CCDC7: variants seen among roughly 807,000 people sequenced by gnomAD.
CCDC7 encodes the protein coiled-coil domain containing 7.
In CCDC7, 183 loss-of-function variants were observed where a neutral mutation model predicts 196.9. The observed-to-expected ratio is 0.93, with a 90% confidence interval of 0.82 to 1.05. The LOEUF is 1.05. Among genes scored for constraint, CCDC7 ranks in the 50% least tolerant of loss-of-function variants. The pLI is 0.00. For synonymous variants in CCDC7, 525 were observed against 484.6 expected (o/e 1.08, Z -1.10); for missense variants, 1,540 against 1,482.2 (o/e 1.04, Z -0.64).
intron 41 of CCDC7, among the ~76,000 whole-genome samples, chr10:32,870,216 C>A (rs921732215): frequency 5.9e-5 from 9 of 152,146 alleles, no homozygotes; most frequent in African/African-American, 1.7e-4. Context: ...TCTATTGATT[C>A]TTCCTACCCA....
At chr10:32,678,846 C>T (rs11818527) in intron 21 of CCDC7, among the ~76,000 whole-genome samples, 8,065 of 152,192 alleles carry the variant, frequency 0.053, 718 homozygotes, top group African/African-American at 0.18. Flanking sequence ...CTGTGTTCCA[C>T]TGCTGTGCTG....
chr10:32,645,817 G>T (rs2067670276), intron 20 of CCDC7, among the ~76,000 whole-genome samples: 1 of 151,838 alleles, frequency 6.6e-6, no homozygotes, highest in African/African-American at 2.4e-5. Context: ...TTTCCAATTT[G>T]TTGGCATATA....
chr10:32,807,683 C>T (rs2086126337), intron 30 of CCDC7, among the ~76,000 whole-genome samples: 1 of 151,880 alleles, frequency 6.6e-6, no homozygotes, highest in Non-Finnish European at 1.5e-5. Context: ...CCATAGATTC[C>T]TCCAATCCTA....
intron 28 of CCDC7, among the ~76,000 whole-genome samples, chr10:32,757,110 T>G (rs927659658): frequency 2.0e-5 from 3 of 152,084 alleles, no homozygotes; most frequent in African/African-American, 7.2e-5. Flanking sequence ...AGCAAGTCCT[T>G]AGAGACCTAC....
chr10:32,860,534 A>C (rs1023059434), intron 41 of CCDC7, among the ~76,000 whole-genome samples: 6 of 152,308 alleles, frequency 3.9e-5, no homozygotes, highest in African/African-American at 1.4e-4. Flanking sequence ...CACCACTCCT[A>C]TTCAACATAG....
chr10:32,587,307 GGGA>G (rs2059382187), intron 18 of CCDC7, among the ~76,000 whole-genome samples: 3 of 152,236 alleles, frequency 2.0e-5, no homozygotes, highest in Admixed American at 1.3e-4. Context: ...CTGAAGGCTG[GGGA>G]GTCCAAGGTC....
At chr10:32,799,543 A>G (rs2084345908) in intron 29 of CCDC7, among the ~76,000 whole-genome samples, 1 of 152,226 alleles carries the variant, frequency 6.6e-6, no homozygotes. Flanking sequence ...AAATAGGCCC[A>G]CTAGGTGTTG....
intron 11 of CCDC7, among the ~76,000 whole-genome samples, chr10:32,535,943 T>C (rs1465245661): frequency 6.6e-6 from 1 of 152,170 alleles, no homozygotes; most frequent in Non-Finnish European, 1.5e-5. Context: ...GGTTGGATAG[T>C]AAGCAATGTT....
At chr10:32,473,817 A>G in intron 7 of CCDC7, 150 bp from the exon 9 acceptor site, 1 of 610,488 alleles carries the variant, frequency 1.6e-6, no homozygotes, top group Non-Finnish European at 2.6e-6. Flanking sequence ...TTACCTGATT[A>G]GGAAGATCTG....
In CCDC7 at chr10:32,814,359, T is replaced by G. The variant is rs1186244648; in HGVS notation, c.3098-11T>G. The stretch of plus-strand genomic sequence containing the variant: ...ACCTTACAGTGTTTTGATACCTGTT[T>G]ATTTCTATAGGGCCTGATATAGAAC... On this transcript the variant is annotated splice_polypyrimidine_tract_variant and intron_variant, in intron 30 of 41. Transcript: ENST00000639629. The G allele has an allele frequency of 6.4e-7, 1 of 1,570,912 alleles. No homozygotes were observed. The highest frequency in any genetic ancestry group is 1.4e-5 in the African/African-American group (1 of 74,010).
At chr10:32,637,779 AGC>A (rs2065920453) in intron 20 of CCDC7, among the ~76,000 whole-genome samples, 1 of 152,210 alleles carries the variant, frequency 6.6e-6, no homozygotes, top group Admixed American at 6.6e-5. Context: ...AGTCATTGGT[AGC>A]TTGATGGGGA....
At chr10:32,730,897 A>T (rs1287791525) in intron 28 of CCDC7, among the ~76,000 whole-genome samples, 1 of 152,102 alleles carries the variant, frequency 6.6e-6, no homozygotes, top group African/African-American at 2.4e-5. Flanking sequence ...ACATTAGTTA[A>T]ATTTTAATTA....
intron 8 of CCDC7, among the ~76,000 whole-genome samples, chr10:32,489,989 T>A (rs571172686): frequency 3.3e-5 from 5 of 152,150 alleles, no homozygotes; most frequent in African/African-American, 1.2e-4. Context: ...ATGGTGGCAG[T>A]GGTTATTAGT....
At chr10:32,862,702 TCAAA>T (rs1476410164) in intron 41 of CCDC7, among the ~76,000 whole-genome samples, 1 of 152,026 alleles carries the variant, frequency 6.6e-6, no homozygotes, top group Non-Finnish European at 1.5e-5. Flanking sequence ...TCAAGGACAA[TCAAA>T]CAAATTTGGA....
chr10:32,837,886 G>T (rs2092728271), intron 33 of CCDC7, among the ~76,000 whole-genome samples: 3 of 146,738 alleles, frequency 2.0e-5, no homozygotes, highest in Admixed American at 7.0e-5. Context: ...GAGAACACAT[G>T]GACACAGGAA....
chr10:32,644,159 T>G (rs948475651), intron 20 of CCDC7, among the ~76,000 whole-genome samples: 3 of 152,158 alleles, frequency 2.0e-5, no homozygotes, highest in African/African-American at 7.2e-5. Flanking sequence ...TCAGGGAAAT[T>G]ACCATATATA....
chr10:32,707,768 C>T (rs376846785), intron 24 of CCDC7, among the ~76,000 whole-genome samples: 27 of 152,064 alleles, frequency 1.8e-4, no homozygotes, highest in East Asian at 1.7e-3. Context: ...TTACAAGGGA[C>T]GTGAAGGACC....
At chr10:32,450,657 T>G (rs952741592), upstream of CCDC7, among the ~76,000 whole-genome samples, 1 of 152,178 alleles carries the variant, frequency 6.6e-6, no homozygotes, top group Non-Finnish European at 1.5e-5. Context: ...GCCCAAGACC[T>G]ATCTAGTTTA....
chr10:32,702,772 G>C (rs926204594), intron 24 of CCDC7, among the ~76,000 whole-genome samples: 3 of 152,096 alleles, frequency 2.0e-5, no homozygotes, highest in Admixed American at 2.0e-4. Context: ...TTATGTAATG[G>C]CCTTCTTTGT....
Sources: gnomAD v4.1 joint callset for allele counts (sites outside exome capture counted in the v4.1 genomes callset) on GRCh38, gnomAD v4.1.1 for gene constraint, MANE v1.5 for transcripts, NCBI Gene and HGNC (gene_info 2026-07-23, HGNC 2026-07-21) for gene names.